SGMS1: variants seen among roughly 807,000 people sequenced by gnomAD.
SGMS1 encodes the protein sphingomyelin synthase 1, also known as phosphatidylcholine:ceramide cholinephosphotransferase 1.
SGMS1 carries 13 observed loss-of-function variants against 46.2 expected under a neutral mutation model. That is an observed-to-expected ratio of 0.28 (90% CI 0.18 to 0.45). The LOEUF (loss-of-function observed/expected upper bound fraction) is 0.45. Among genes scored for constraint, SGMS1 ranks in the 20% least tolerant of loss-of-function variants. SGMS1 has a pLI of 1.00. For missense variants in SGMS1, 324 were observed against 519.9 expected, an observed-to-expected ratio of 0.62 and a Z score of 3.66; for synonymous variants, 203 against 187.8, an observed-to-expected ratio of 1.08 and a Z score of -0.66.
At chr10:50,620,561 G>C (rs941466813) in intron 1 of SGMS1, among the ~76,000 whole-genome samples, 1 of 152,212 alleles carries the variant, frequency 6.6e-6, no homozygotes, top group Non-Finnish European at 1.5e-5. Flanking sequence ...AAATGCAACA[G>C]ATTCTTCTGA....
At chr10:50,344,870 CA>C (rs71856483) in intron 6 of SGMS1, among the ~76,000 whole-genome samples, 82 of 142,336 alleles carry the variant, frequency 5.8e-4, no homozygotes, top group East Asian at 1.8e-3. Context: ...GATTCCTTCT[CA>C]AAAAAAAAAA....
At chr10:50,624,565 A>G, upstream of SGMS1, 1 of 971,408 alleles carries the variant, frequency 1.0e-6, no homozygotes, top group South Asian at 4.8e-5. Flanking sequence ...CGAGGTGAAA[A>G]CTCCGACTGC....
In SGMS1 at chr10:50,510,737, C is replaced by G. The variant is rs368618408; in HGVS notation, c.-498+9094G>C. Among the ~76,000 whole-genome samples, 171 of 152,132 alleles carry G rather than the reference C, an allele frequency of 1.1e-3. 2 individuals are homozygous for G. The highest frequency in any genetic ancestry group is 4.0e-3 in the African/African-American group (167 of 41,492). On this transcript the variant is annotated intron_variant, in intron 3 of 10. Transcript: ENST00000361781. ...TCTTACGTAATAACTATACAATTAT[C>G]AAAGCACAAACTTGACACTGGGTAC...
chr10:50,601,263 A>T (rs1588889305), intron 1 of SGMS1, among the ~76,000 whole-genome samples: 1 of 152,176 alleles, frequency 6.6e-6, no homozygotes, highest in African/African-American at 2.4e-5. Flanking sequence ...CTTGATGACT[A>T]AGAGGATGTT....
Position 50,602,603 on chromosome 10 carries a change from A to C in SGMS1, c.-683-12356T>G, listed in dbSNP as rs1167196101. Among the ~76,000 whole-genome samples the C allele has an allele frequency of 2.6e-5, 4 of 152,202 alleles. No homozygotes were observed. The East Asian group carries it at 7.7e-4, about 29-fold the overall frequency. ...TAGGCATGAGAGGGCAATGACTGAG[A>C]CAGCAAGGTCCCTGAACTTACACTG... On this transcript the variant is annotated intron_variant, in intron 1 of 10. Transcript: ENST00000361781.
intron 3 of SGMS1, among the ~76,000 whole-genome samples, chr10:50,481,380 A>G (rs1837475505): frequency 1.3e-5 from 2 of 152,208 alleles, no homozygotes; most frequent in African/African-American, 2.4e-5. Flanking sequence ...TAACACATCC[A>G]GGTGTGGGAG....
chr10:50,313,460 C>T (rs1232289591), intron 8 of SGMS1, among the ~76,000 whole-genome samples: 1 of 152,164 alleles, frequency 6.6e-6, no homozygotes, highest in Non-Finnish European at 1.5e-5. Context: ...GGAAAAGGCG[C>T]TGTTGGGGTC....
At chr10:50,405,526 A>G (rs1349186966) in intron 6 of SGMS1, among the ~76,000 whole-genome samples, 1 of 152,244 alleles carries the variant, frequency 6.6e-6, no homozygotes, top group Non-Finnish European at 1.5e-5. Flanking sequence ...AGCAGTTTAC[A>G]GTTGTAGAAT....
Position 50,518,812 on chromosome 10 carries a change from G to A in SGMS1, c.-498+1019C>T, listed in dbSNP as rs142934394. Among the ~76,000 whole-genome samples, 470 of 152,288 alleles carry A rather than the reference G, an allele frequency of 3.1e-3. 2 individuals carry two copies. Among genetic ancestry groups the A allele is most frequent in the African/African-American group, 0.011 (453 of 41,566 alleles). On this transcript the variant is annotated intron_variant, in intron 3 of 10. Coordinates refer to ENST00000361781, the MANE Select transcript of SGMS1 (RefSeq NM_147156.4). ...GAAACAAGTTTCATTCACTATACAA[G>A]AAGAGACTGAAATTTTTGTCTAAAT...
chr10:50,527,119 T>C (rs1455444156), intron 2 of SGMS1, among the ~76,000 whole-genome samples: 1 of 144,064 alleles, frequency 6.9e-6, no homozygotes, highest in African/African-American at 2.6e-5. Flanking sequence ...GAACTGGCCA[T>C]GTATTCAACC....
chr10:50,385,992 A>T (rs1848676112), intron 6 of SGMS1, among the ~76,000 whole-genome samples: 2 of 152,146 alleles, frequency 1.3e-5, no homozygotes, highest in Admixed American at 1.3e-4. Flanking sequence ...GACATAGGAC[A>T]TCAAAAATTT....
At chr10:50,622,694 C>G (rs867745888) in intron 1 of SGMS1, among the ~76,000 whole-genome samples, 2 of 152,362 alleles carry the variant, frequency 1.3e-5, no homozygotes, top group Non-Finnish European at 1.5e-5. Flanking sequence ...ATCTGAGAAG[C>G]ACCTGCCTGG....
chr10:50,471,393 T>G (rs964626881), intron 3 of SGMS1, among the ~76,000 whole-genome samples: 6 of 152,134 alleles, frequency 3.9e-5, no homozygotes, highest in Non-Finnish European at 7.4e-5. Flanking sequence ...CATTTCTATG[T>G]GGTACCAGGG....
At chr10:50,578,564 C>G (rs1308527692) in intron 2 of SGMS1, among the ~76,000 whole-genome samples, 1 of 152,148 alleles carries the variant, frequency 6.6e-6, no homozygotes, top group East Asian at 1.9e-4. Flanking sequence ...GCACAGTTAA[C>G]AAGAAAGCCA....
At chr10:50,492,802 T>C (rs1022313426) in intron 3 of SGMS1, among the ~76,000 whole-genome samples, 9 of 152,142 alleles carry the variant, frequency 5.9e-5, no homozygotes, top group Non-Finnish European at 1.3e-4. Flanking sequence ...GAAAACTCTT[T>C]TAAAATTCAT....
At chr10:50,358,124 A>T (rs1356490858) in intron 6 of SGMS1, among the ~76,000 whole-genome samples, 1 of 152,154 alleles carries the variant, frequency 6.6e-6, no homozygotes, top group African/African-American at 2.4e-5. Context: ...TATTTTTTTT[A>T]AATGTAACAA....
At chr10:50,567,294 C>T (rs3011802) in intron 2 of SGMS1, among the ~76,000 whole-genome samples, 35,331 of 151,944 alleles carry the variant, frequency 0.23, 4,875 homozygotes, top group South Asian at 0.31. Context: ...GGGATTTTTC[C>T]CCTGAATATT....
At chr10:50,524,933 C>T (rs1214005581) in intron 2 of SGMS1, among the ~76,000 whole-genome samples, 1 of 152,164 alleles carries the variant, frequency 6.6e-6, no homozygotes, top group Non-Finnish European at 1.5e-5. Context: ...TATAAACTAA[C>T]ATCAACGATA....
chr10:50,435,763 C>A (rs1441087190), intron 5 of SGMS1, among the ~76,000 whole-genome samples: 1 of 152,090 alleles, frequency 6.6e-6, no homozygotes, highest in East Asian at 1.9e-4. Flanking sequence ...AACAAACAAA[C>A]AAACAAACAA....
Sources: allele counts gnomAD v4.1 joint callset (sites outside exome capture counted in the v4.1 genomes callset), GRCh38; gene constraint gnomAD v4.1.1; transcripts MANE v1.5; gene names NCBI Gene and HGNC (gene_info 2026-07-23, HGNC 2026-07-21).